The following GRID2 variants were observed in gnomAD, a reference collection of about 807,000 sequenced individuals.
The protein encoded by GRID2 is glutamate ionotropic receptor delta type subunit 2.
GRID2 carries 33 observed loss-of-function variants against 114.8 expected under a neutral mutation model. The ratio of observed to expected loss-of-function variants is 0.29; its 90% confidence interval spans 0.22 to 0.38. The LOEUF (loss-of-function observed/expected upper bound fraction) is 0.38, where lower values mean the gene tolerates loss of function less well. GRID2 is among the 10% of genes least tolerant of loss of function. GRID2 has a pLI of 1.00. For synonymous variants in GRID2, 505 were observed against 449.9 expected, an observed-to-expected ratio of 1.12 and a Z score of -1.55; for missense variants, 1,184 against 1,257.7, an observed-to-expected ratio of 0.94 and a Z score of 0.89.
At chr4:93,307,887 C>T (rs996010293) in intron 8 of GRID2, among the ~76,000 whole-genome samples, 3 of 151,310 alleles carry the variant, frequency 2.0e-5, no homozygotes, top group African/African-American at 4.9e-5. Context: ...TTAATTTTTT[C>T]GAGATAGTTT....
At chr4:92,772,848 A>T (rs1337542817) in intron 2 of GRID2, among the ~76,000 whole-genome samples, 1 of 152,162 alleles carries the variant, frequency 6.6e-6, no homozygotes, top group African/African-American at 2.4e-5. Context: ...AGTTTTACTT[A>T]TGCATACACA....
intron 3 of GRID2, among the ~76,000 whole-genome samples, chr4:93,088,856 C>T (rs1730546167): frequency 6.6e-6 from 1 of 151,968 alleles, no homozygotes. Context: ...AGTATCAGAT[C>T]AGAGATTTAA....
At chr4:92,511,802 T>C (rs182393063) in intron 1 of GRID2, among the ~76,000 whole-genome samples, 1 of 151,886 alleles carries the variant, frequency 6.6e-6, no homozygotes, top group Non-Finnish European at 1.5e-5. Flanking sequence ...TTGGTTTTAA[T>C]TGAAATAAAA....
chr4:92,472,639 G>A (rs1203857587), intron 1 of GRID2, among the ~76,000 whole-genome samples: 1 of 152,112 alleles, frequency 6.6e-6, no homozygotes, highest in Non-Finnish European at 1.5e-5. Context: ...GCATAGGGAT[G>A]TCTCGCTGTG....
chr4:92,688,280 C>T (rs906858145), intron 2 of GRID2, among the ~76,000 whole-genome samples: 3 of 151,504 alleles, frequency 2.0e-5, no homozygotes, highest in Non-Finnish European at 4.4e-5. Flanking sequence ...GAACTCCCGA[C>T]CTCAGGTGAT....
chr4:92,339,459 G>A (rs1228303030), intron 1 of GRID2, among the ~76,000 whole-genome samples: 2 of 152,134 alleles, frequency 1.3e-5, no homozygotes, highest in African/African-American at 4.8e-5. Context: ...TTTAAGTAAT[G>A]AAAGTGGTAC....
chr4:93,319,560 CT>C (rs1757011357), intron 8 of GRID2: 1 of 151,966 alleles, frequency 6.6e-6, no homozygotes, highest in Non-Finnish European at 1.5e-5. Flanking sequence ...AATTAGGTGA[CT>C]TTAAAATAGG....
At chr4:92,741,355 A>T (rs535098628) in intron 2 of GRID2, among the ~76,000 whole-genome samples, 1 of 152,170 alleles carries the variant, frequency 6.6e-6, no homozygotes, top group South Asian at 2.1e-4. Flanking sequence ...TACAATTGCC[A>T]TAAATGTAGT....
At chr4:93,247,744 A>G (rs1223748974) in intron 8 of GRID2, among the ~76,000 whole-genome samples, 2 of 151,380 alleles carry the variant, frequency 1.3e-5, no homozygotes, top group African/African-American at 2.4e-5. Flanking sequence ...GCATATATTT[A>G]TATTTAAATA....
At chr4:93,678,641 G>C (rs1725175687) in intron 14 of GRID2, among the ~76,000 whole-genome samples, 1 of 152,024 alleles carries the variant, frequency 6.6e-6, no homozygotes, top group African/African-American at 2.4e-5. Flanking sequence ...TTAAAGAAAA[G>C]AATTTTCAAA....
At chr4:92,702,979 C>T (rs971609649) in intron 2 of GRID2, among the ~76,000 whole-genome samples, 2 of 152,198 alleles carry the variant, frequency 1.3e-5, no homozygotes, top group African/African-American at 4.8e-5. Flanking sequence ...TTTCAACTGA[C>T]CTACAACCAT....
intron 2 of GRID2, among the ~76,000 whole-genome samples, chr4:92,712,546 T>C (rs1735308075): frequency 6.6e-6 from 1 of 152,132 alleles, no homozygotes; most frequent in South Asian, 2.1e-4. Flanking sequence ...ATTCCCCTAC[T>C]TCCATATATA....
At chr4:93,399,055 T>G (rs2149335414) in intron 9 of GRID2, among the ~76,000 whole-genome samples, 1 of 152,082 alleles carries the variant, frequency 6.6e-6, no homozygotes, top group Non-Finnish European at 1.5e-5. Flanking sequence ...CTTGAGGCTT[T>G]ACCTCACTAA....
intron 1 of GRID2, among the ~76,000 whole-genome samples, chr4:93,786,023 AGT>A (rs1325155928): frequency 6.6e-6 from 1 of 152,232 alleles, no homozygotes; most frequent in Non-Finnish European, 1.5e-5. Context: ...AGGACAAAAG[AGT>A]GTGTTAAATG....
intron 2 of GRID2, among the ~76,000 whole-genome samples, chr4:92,961,990 G>A (rs1223814194): frequency 6.6e-6 from 1 of 151,690 alleles, no homozygotes; most frequent in Non-Finnish European, 1.5e-5. Context: ...CTTTTACAGT[G>A]TTTTTGAGCT....
At chr4:92,335,064 G>C (rs1247411898) in intron 1 of GRID2, among the ~76,000 whole-genome samples, 3 of 152,162 alleles carry the variant, frequency 2.0e-5, no homozygotes, top group African/African-American at 7.2e-5. Context: ...TCAGCTTCAT[G>C]ACCTCTTCAG....
intron 8 of GRID2, among the ~76,000 whole-genome samples, chr4:93,277,464 A>G (rs1364945314): frequency 6.6e-6 from 1 of 151,794 alleles, no homozygotes; most frequent in Non-Finnish European, 1.5e-5. Context: ...AAGACTTTCC[A>G]TCGTCTTATT....
chr4:92,900,903 T>G (rs1361669751), intron 2 of GRID2, among the ~76,000 whole-genome samples: 1 of 146,962 alleles, frequency 6.8e-6, no homozygotes, highest in African/African-American at 2.5e-5. Context: ...GCAAAAGACA[T>G]GATTTCATGT....
rs869285420 is a variant in GRID2 at position 92,965,450 on chromosome 4, T to TAAAAAAAAAAAAAAAAAAAAAAAA, written c.245-119529_245-119506dup. On this transcript the variant is annotated intron_variant, in intron 2 of 15. Coordinates refer to ENST00000282020, the MANE Select transcript of GRID2 (RefSeq NM_001510.4). ...AGGGTTGCCATAAACATTCAATTTG[T>TAAAAAAAAAAAAAAAAAAAAAAAA]AAAAAAAAAAAAAAAAAAAAAAAAA... 9.3e-5 allele frequency among the ~76,000 whole-genome samples: 8 copies of TAAAAAAAAAAAAAAAAAAAAAAAA among 85,778 alleles called. 1 individual carries two copies. The highest frequency in any genetic ancestry group is 1.4e-4 in the Non-Finnish European group (6 of 41,820). 56.3% of individuals were successfully genotyped at this position (85,778 alleles called of 152,430 possible).
Sources: allele counts gnomAD v4.1 joint callset (sites outside exome capture counted in the v4.1 genomes callset), GRCh38; gene constraint gnomAD v4.1.1; transcripts MANE v1.5; gene names NCBI Gene and HGNC (gene_info 2026-07-23, HGNC 2026-07-21).